SLC16A7: variants seen among roughly 807,000 people sequenced by gnomAD.
SLC16A7 encodes monocarboxylate transporter 2.
SLC16A7 carries 33 observed loss-of-function variants against 34.9 expected under a neutral mutation model. The observed-to-expected ratio is 0.94, with a 90% CI of 0.72 to 1.26. The LOEUF is 1.26. Ranked by LOEUF, SLC16A7 falls within the 50% of genes most tolerant of loss-of-function variation. The pLI is 0.00. For missense variants in SLC16A7, 573 were observed against 578.1 expected (o/e 0.99, Z 0.09); for synonymous variants, 201 against 206.6 (o/e 0.97, Z 0.23).
intron 3 of SLC16A7, among the ~76,000 whole-genome samples, chr12:59,756,228 A>G (rs1047943831): frequency 1.6e-4 from 24 of 152,354 alleles, no homozygotes; most frequent in African/African-American, 5.5e-4. Context: ...CACCAAAGCA[A>G]TGGCAACAAA....
At position 59,782,798 on chromosome 12, in the gene SLC16A7, A is replaced by C. The variant is rs10877338; in HGVS notation, c.*3119A>C. On this transcript the variant is annotated 3_prime_UTR_variant, in exon 6 of 6. Coordinates refer to ENST00000547379, the MANE Select transcript of SLC16A7 (RefSeq NM_001270623.2). ...TCACCTAGCACACCTTAAGAGACAA[A>C]AAATCAGGTTTTAGTGTATTTCACA... 0.44 allele frequency: 66,912 copies of C among 151,970 alleles called. 16,288 individuals carry two copies. The highest frequency in any genetic ancestry group is 0.66 in the African/African-American group (27,253 of 41,438). 9.4% of individuals were successfully genotyped at this position (151,970 alleles called of 1,614,324 possible). A position where few individuals can be genotyped will look rare whatever the true frequency, so the allele number is the denominator to read the frequency against.
At chr12:59,614,406 A>G (rs1208559335) in intron 1 of SLC16A7, among the ~76,000 whole-genome samples, 1 of 152,190 alleles carries the variant, frequency 6.6e-6, no homozygotes, top group Non-Finnish European at 1.5e-5. Context: ...ATCATTAATG[A>G]TTCAAACGAA....
In SLC16A7 at chr12:59,612,109, C is replaced by T. The variant is rs551693544; in HGVS notation, c.-130+15873C>T. Reference sequence around the variant, plus strand: ...ACTCTGTGTGGAGGTTCCATCCCCACATTTCCCTTCCTCACTGTCCTCAGC... The same window carrying T: ...ACTCTGTGTGGAGGTTCCATCCCCATATTTCCCTTCCTCACTGTCCTCAGC... On this transcript the variant is annotated intron_variant, in intron 1 of 5. Transcript: ENST00000547379. Among the ~76,000 whole-genome samples, 94 of 152,248 alleles carry T rather than the reference C, an allele frequency of 6.2e-4. 2 individuals carry two copies. The highest frequency in any genetic ancestry group is 2.8e-4 in the Non-Finnish European group (19 of 68,050).
At chr12:59,632,259 C>T (rs898512296) in intron 1 of SLC16A7, among the ~76,000 whole-genome samples, 1 of 151,912 alleles carries the variant, frequency 6.6e-6, no homozygotes, top group African/African-American at 2.4e-5. Flanking sequence ...CTTTTATGCA[C>T]TTTTAACAAA....
At chr12:59,771,753 A>C (rs1367345529) in intron 4 of SLC16A7, among the ~76,000 whole-genome samples, 2 of 152,152 alleles carry the variant, frequency 1.3e-5, no homozygotes, top group African/African-American at 4.8e-5. Flanking sequence ...GCAGTATCTG[A>C]CTTTCCACTC....
chr12:59,666,126 G>A (rs1053758450), intron 2 of SLC16A7, among the ~76,000 whole-genome samples: 2 of 152,014 alleles, frequency 1.3e-5, no homozygotes, highest in African/African-American at 2.4e-5. Context: ...GTCTAGAGAG[G>A]GAAACAACAA....
intron 2 of SLC16A7, among the ~76,000 whole-genome samples, chr12:59,692,154 T>C (rs1395115896): frequency 6.6e-6 from 1 of 152,006 alleles, no homozygotes; most frequent in Non-Finnish European, 1.5e-5. Flanking sequence ...CACTTTCTGC[T>C]GGGCCTCCAT....
At chr12:59,779,327 T>A in intron 5 of SLC16A7, 96 bp from the exon 6 acceptor site, 2 of 926,850 alleles carry the variant, frequency 2.2e-6, no homozygotes, top group Non-Finnish European at 3.1e-6. Flanking sequence ...TTAATTTAAA[T>A]AAGAGGAATA....
chr12:59,597,219 T>C (rs1340491860), intron 1 of SLC16A7: 1 of 118,422 alleles, frequency 8.4e-6, no homozygotes, highest in Non-Finnish European at 1.7e-5. Flanking sequence ...GAAATTAAAA[T>C]TTTACACACA....
chr12:59,700,120 A>T (rs1195134519), intron 2 of SLC16A7, among the ~76,000 whole-genome samples: 2 of 151,834 alleles, frequency 1.3e-5, no homozygotes, highest in African/African-American at 4.8e-5. Flanking sequence ...AATGTCAGTG[A>T]ATCAGCAATA....
At chr12:59,708,736 G>A (rs1873877149) in intron 3 of SLC16A7, among the ~76,000 whole-genome samples, 1 of 151,566 alleles carries the variant, frequency 6.6e-6, no homozygotes, top group Non-Finnish European at 1.5e-5. Context: ...TGTCAGGACT[G>A]GAGTCTCTTG....
chr12:59,614,141 C>T (rs762775079), intron 1 of SLC16A7, among the ~76,000 whole-genome samples: 1 of 151,658 alleles, frequency 6.6e-6, no homozygotes, highest in African/African-American at 2.4e-5. Flanking sequence ...GCCTTCGCCT[C>T]CTGGGTTCAA....
At chr12:59,710,920 CTCTCTCT>C (rs1874154576) in intron 3 of SLC16A7, among the ~76,000 whole-genome samples, 1 of 152,158 alleles carries the variant, frequency 6.6e-6, no homozygotes, top group African/African-American at 2.4e-5. Flanking sequence ...GCATGTTACA[CTCTCTCT>C]TCTCTCTTCT....
intron 3 of SLC16A7, among the ~76,000 whole-genome samples, chr12:59,735,431 G>A (rs938994588): frequency 1.3e-5 from 2 of 152,160 alleles, no homozygotes; most frequent in Admixed American, 1.3e-4. Flanking sequence ...TGGCTTAATG[G>A]CCACTAATTT....
Position 59,781,041 on chromosome 12 carries a change from A to ATAGTT in SLC16A7, c.*1365_*1369dup. ...CACTGTATGACTTGCAATCGTAGGT[A>ATAGTT]TAGTTTATAACCTGATAGCAAAAAA... On this transcript the variant is annotated 3_prime_UTR_variant, in exon 6 of 6. Transcript: ENST00000547379. The ATAGTT allele has an allele frequency of 6.6e-6, 1 of 152,166 alleles. No individual in the cohort carries two copies. Among genetic ancestry groups the ATAGTT allele is most frequent in the Admixed American group, 6.6e-5 (1 of 15,248 alleles). The allele number at this position is 152,166 out of a possible 1,614,324, so 9.4% of individuals were successfully genotyped here.
At chr12:59,671,674 C>CTATA (rs1382157658) in intron 2 of SLC16A7, among the ~76,000 whole-genome samples, 1 of 139,154 alleles carries the variant, frequency 7.2e-6, no homozygotes, top group African/African-American at 2.7e-5. Context: ...CTCTCTCTCT[C>CTATA]TCTCTATATA....
chr12:59,775,170 T>C lies in SLC16A7; in HGVS notation c.875T>C (p.Val292Ala). ...TTTCTGCTATCTGTTATGGCTTTCG[T>C]TGATATGTTTGCTAGGCCTTCTGTA... ...AAFLLSVMAF[V>A]DMFARPSVGL... The change falls in exon 5 of 6, where the codon GTT becomes GCT. Residue 292 changes from valine to alanine, a missense_variant. Transcript: ENST00000547379. 1 of 1,614,138 alleles carries C rather than the reference T, an allele frequency of 6.2e-7. No individual in the cohort carries two copies. The highest frequency in any genetic ancestry group is 8.5e-7 in the Non-Finnish European group (1 of 1,180,002).
chr12:59,726,514 C>G (rs1349561209), intron 3 of SLC16A7, among the ~76,000 whole-genome samples: 1 of 152,112 alleles, frequency 6.6e-6, no homozygotes. Flanking sequence ...TTGTTTCATA[C>G]AATCTTCGTT....
rs1426001183 is a variant in SLC16A7, at chr12:59,733,935, G to T, written c.217+28917G>T. On this transcript the variant is annotated intron_variant, in intron 3 of 5. Coordinates refer to ENST00000547379, the MANE Select transcript of SLC16A7 (RefSeq NM_001270623.2). ...GTAATCCTGACGTCTGTGTGAGTCT[G>T]GCAGAGTCTGGGGTTTTTAAGGGGT... is the stretch of plus-strand genomic sequence containing the variant. 4 of 417,678 alleles carry T rather than the reference G, an allele frequency of 9.6e-6. No homozygotes were observed. In the Admixed American group the frequency reaches 1.0e-4, roughly 10 times the overall value. 25.9% of individuals were successfully genotyped at this position (417,678 alleles called of 1,614,324 possible).
Sources: allele counts gnomAD v4.1 joint callset (sites outside exome capture counted in the v4.1 genomes callset), GRCh38; gene constraint gnomAD v4.1.1; transcripts MANE v1.5; gene names NCBI Gene and HGNC (gene_info 2026-07-23, HGNC 2026-07-21).